SMOC2: variants seen among roughly 807,000 people sequenced by gnomAD.
The protein encoded by SMOC2 is SPARC-related modular calcium-binding protein 2.
In SMOC2, 39 loss-of-function variants were observed where a neutral mutation model predicts 61.4. The observed-to-expected ratio is 0.64, with a 90% CI of 0.49 to 0.83. The LOEUF (loss-of-function observed/expected upper bound fraction) is 0.83. Ranked by LOEUF, SMOC2 falls within the 40% of genes least tolerant of loss-of-function variation. The pLI, the probability that SMOC2 is intolerant of heterozygous loss-of-function variation, is 0.00. For missense variants in SMOC2, 556 were observed against 592.9 expected (o/e 0.94, Z 0.65); for synonymous variants, 247 against 239.9 (o/e 1.03, Z -0.27).
At chr6:168,468,455 C>A (rs955153204) in intron 1 of SMOC2, among the ~76,000 whole-genome samples, 2 of 152,248 alleles carry the variant, frequency 1.3e-5, no homozygotes, top group Non-Finnish European at 2.9e-5. Context: ...ACCTTCCCCC[C>A]GTCCCCCACC....
At chr6:168,491,161 G>A (rs1002267316) in intron 1 of SMOC2, among the ~76,000 whole-genome samples, 1 of 152,188 alleles carries the variant, frequency 6.6e-6, no homozygotes, top group Non-Finnish European at 1.5e-5. Flanking sequence ...TGCTGCTCAC[G>A]CCAGCCTTGC....
At chr6:168,485,763 G>A (rs1439613754) in intron 1 of SMOC2, among the ~76,000 whole-genome samples, 2 of 152,102 alleles carry the variant, frequency 1.3e-5, no homozygotes, top group Admixed American at 6.5e-5. Flanking sequence ...TAATAGTGTT[G>A]TGGAACTCTG....
At chr6:168,662,120 A>G (rs1379340208) in intron 11 of SMOC2, among the ~76,000 whole-genome samples, 1 of 152,240 alleles carries the variant, frequency 6.6e-6, no homozygotes, top group Admixed American at 6.5e-5. Flanking sequence ...ATATGGGATG[A>G]AGGATACTTC....
chr6:168,626,221 C>G (rs186852335), intron 9 of SMOC2, among the ~76,000 whole-genome samples: 8 of 152,308 alleles, frequency 5.3e-5, no homozygotes, highest in Non-Finnish European at 1.2e-4. Flanking sequence ...CTGTCTCACT[C>G]CTCGCACAGA....
At chr6:168,655,667 A>G (rs1197464248) in intron 11 of SMOC2, among the ~76,000 whole-genome samples, 2 of 148,088 alleles carry the variant, frequency 1.4e-5, no homozygotes, top group Non-Finnish European at 3.0e-5. Context: ...GCACGTGTGT[A>G]CTAGATTTCC....
At chr6:168,450,033 T>G (rs1323296903) in intron 1 of SMOC2, among the ~76,000 whole-genome samples, 2 of 148,252 alleles carry the variant, frequency 1.3e-5, no homozygotes, top group East Asian at 3.9e-4. Flanking sequence ...TGAGATGTGC[T>G]TATCTATCAG....
intron 6 of SMOC2, 90 bp downstream of exon 6, chr6:168,547,259 G>T: frequency 8.8e-7 from 1 of 1,133,608 alleles, no homozygotes; most frequent in Admixed American, 1.7e-5. Flanking sequence ...CATCTTGTTA[G>T]AGCTCCGTTC....
intron 11 of SMOC2, among the ~76,000 whole-genome samples, chr6:168,653,565 A>G (rs1787254141): frequency 1.3e-5 from 2 of 152,040 alleles, no homozygotes; most frequent in African/African-American, 4.8e-5. Flanking sequence ...GGAATAACCA[A>G]CCCTGCACCT....
chr6:168,638,574 C>T (rs1786806649), intron 9 of SMOC2, among the ~76,000 whole-genome samples: 1 of 152,186 alleles, frequency 6.6e-6, no homozygotes, highest in African/African-American at 2.4e-5. Context: ...GGCTCCCGCT[C>T]AGAGAGGAGC....
At chr6:168,504,051 G>A (rs937596998) in intron 1 of SMOC2, among the ~76,000 whole-genome samples, 1 of 152,056 alleles carries the variant, frequency 6.6e-6, no homozygotes, top group Non-Finnish European at 1.5e-5. Flanking sequence ...TGACACACGA[G>A]GCCTGCTTTC....
At chr6:168,501,851 T>C (rs1782738285) in intron 1 of SMOC2, among the ~76,000 whole-genome samples, 1 of 152,178 alleles carries the variant, frequency 6.6e-6, no homozygotes, top group South Asian at 2.1e-4. Context: ...CTCCAGGCGT[T>C]TGGTCCTGAG....
chr6:168,564,154 A>G (rs1224225915), intron 7 of SMOC2, among the ~76,000 whole-genome samples: 3 of 152,180 alleles, frequency 2.0e-5, no homozygotes, highest in East Asian at 1.9e-4. Context: ...CAAAACACGA[A>G]GTTTCTTGAA....
intron 9 of SMOC2, among the ~76,000 whole-genome samples, chr6:168,609,926 T>C (rs1235223781): frequency 1.3e-5 from 2 of 152,234 alleles, no homozygotes; most frequent in Non-Finnish European, 1.5e-5. Flanking sequence ...CGCTTCTCAT[T>C]GGTAAAAGGG....
In SMOC2 at chr6:168,526,426, T is replaced by G. The variant is rs1435076061; in HGVS notation, c.337T>G (p.Cys113Gly). 6.2e-7 allele frequency: 1 copy of G among 1,614,018 alleles called. No homozygotes were observed. The highest frequency in any genetic ancestry group is 8.5e-7 in the Non-Finnish European group (1 of 1,180,044). ...KEFQQVFIPE[C>G]NDDGTYSQVQ... ...GTTTCAGCAAGTGTTCATTCCTGAG[T>G]GCAATGACGACGGCACCTACAGTCA... is the stretch of plus-strand genomic sequence containing the variant. Residue 113 changes from cysteine (C) to glycine (G), a missense_variant, in exon 3 of 13, where the codon TGC becomes GGC. Coordinates refer to ENST00000356284, the MANE Select transcript of SMOC2 (RefSeq NM_001166412.2).
intron 9 of SMOC2, among the ~76,000 whole-genome samples, chr6:168,615,340 A>AT (rs1786046423): frequency 6.4e-5 from 1 of 15,632 alleles, no homozygotes; most frequent in Admixed American, 1.1e-3. Flanking sequence ...CAGCCAGCAC[A>AT]GGGCCTCTTC....
At chr6:168,586,841 T>G (rs963363071) in intron 7 of SMOC2, among the ~76,000 whole-genome samples, 1 of 152,228 alleles carries the variant, frequency 6.6e-6, no homozygotes, top group Admixed American at 6.5e-5. Context: ...TCATTTTCAC[T>G]TATTAATTTT....
intron 2 of SMOC2, among the ~76,000 whole-genome samples, chr6:168,519,072 T>C (rs542750898): frequency 1.3e-5 from 2 of 151,384 alleles, no homozygotes; most frequent in African/African-American, 2.4e-5. Context: ...TGTGTGAGTG[T>C]ATGTATGCGT....
intron 9 of SMOC2, among the ~76,000 whole-genome samples, chr6:168,612,876 C>T (rs976696394): frequency 3.3e-4 from 51 of 152,292 alleles, no homozygotes; most frequent in African/African-American, 1.2e-3. Flanking sequence ...GCAGGAGCAT[C>T]GGCCAAGGAG....
At chr6:168,534,838 C>T (rs1360422107) in intron 4 of SMOC2, among the ~76,000 whole-genome samples, 3 of 152,072 alleles carry the variant, frequency 2.0e-5, no homozygotes, top group Admixed American at 6.6e-5. Context: ...AGTGACTTTT[C>T]GCTCCTGTTT....
Sources: allele counts gnomAD v4.1 joint callset (sites outside exome capture counted in the v4.1 genomes callset), GRCh38; gene constraint gnomAD v4.1.1; transcripts MANE v1.5; gene names NCBI Gene and HGNC (gene_info 2026-07-23, HGNC 2026-07-21).